Variants in USP16 observed in about 807,000 individuals in gnomAD.
USP16 encodes ubiquitin specific peptidase 16.
USP16 carries 77 observed loss-of-function variants against 95.9 expected under a neutral mutation model. The observed-to-expected ratio is 0.80, with a 90% CI of 0.67 to 0.97. USP16 has a LOEUF of 0.97. Among genes scored for constraint, USP16 ranks in the 50% least tolerant of loss-of-function variants. The probability of loss-of-function intolerance (pLI) is 0.00; values close to 1 mark genes in which losing one functional copy is unlikely to be tolerated. For synonymous variants in USP16, 303 were observed against 318.2 expected, an observed-to-expected ratio of 0.95 and a Z score of 0.51; for missense variants, 943 against 959.9, an observed-to-expected ratio of 0.98 and a Z score of 0.23.
chr21:29,026,496 TA>T (rs1406161156), intron 1 of USP16: 1 of 143,818 alleles, frequency 7.0e-6, no homozygotes, highest in Admixed American at 6.9e-5. Flanking sequence ...GATTGGCAGG[TA>T]AAAAGTGGTG....
At chr21:29,029,094 A>C (rs529183909) in intron 2 of USP16, among the ~76,000 whole-genome samples, 1 of 152,260 alleles carries the variant, frequency 6.6e-6, no homozygotes, top group East Asian at 1.9e-4. Flanking sequence ...ATCTGTAAAC[A>C]TCTGTGCTGA....
rs553405034 is a variant in USP16 at position 29,024,672 on chromosome 21, T to A, written c.-147T>A. ...AGTTATTGCTTTCCAGGGGTCACTC[T>A]GGCTTCGACTCCGTCGCTCTCAATT... On this transcript the variant is annotated 5_prime_UTR_variant, in exon 1 of 18. Coordinates refer to ENST00000399976, the MANE Select transcript of USP16 (RefSeq NM_006447.3). 1.4e-4 allele frequency: 175 copies of A among 1,283,498 alleles called. No individual in the cohort carries two copies. The highest frequency in any genetic ancestry group is 3.7e-5 in the South Asian group (3 of 80,922). The allele number at this position is 1,283,498 out of a possible 1,614,324, so 79.5% of individuals were successfully genotyped here. A position where few individuals can be genotyped will look rare whatever the true frequency, so the allele number is the denominator to read the frequency against.
intron 3 of USP16, among the ~76,000 whole-genome samples, chr21:29,032,258 G>T (rs1329570176): frequency 1.3e-5 from 2 of 151,948 alleles, no homozygotes; most frequent in Admixed American, 1.3e-4. Flanking sequence ...TTGAGGCAGG[G>T]TCTCACTCTC....
chr21:29,036,432 C>G, intron 5 of USP16, 58 bp downstream of exon 5: 3 of 1,495,938 alleles, frequency 2.0e-6, no homozygotes, highest in Non-Finnish European at 2.8e-6. Context: ...TCTGCTGATA[C>G]TTAGATTTGT....
intron 12 of USP16, 70 bp from the exon 13 acceptor site, chr21:29,043,353 G>C: frequency 2.7e-6 from 3 of 1,096,314 alleles, no homozygotes; most frequent in South Asian, 3.2e-5. Context: ...TATTTACATA[G>C]TGTGGATTTT....
In USP16 at chr21:29,027,939, A is replaced by G; in HGVS notation, c.26A>G (p.Lys9Arg). Residue 9 changes from lysine (K) to arginine (R), a missense_variant, in exon 2 of 18, where the codon AAA becomes AGA. Physicochemically the swap from Lys to Arg is conservative, Grantham distance 26. Coordinates refer to ENST00000399976, the MANE Select transcript of USP16 (RefSeq NM_006447.3). MGKKRTKG[K>R]TVPIDDSSET... ...ATGGGAAAGAAACGGACAAAGGGAA[A>G]AACTGTTCCAATCGATGATTCCTCT... The G allele has an allele frequency of 1.2e-6, 2 of 1,613,678 alleles. No homozygotes were observed. Among genetic ancestry groups the G allele is most frequent in the Non-Finnish European group, 1.7e-6 (2 of 1,179,772 alleles).
At chr21:29,026,889 A>G (rs1323314378) in intron 1 of USP16, among the ~76,000 whole-genome samples, 1 of 152,178 alleles carries the variant, frequency 6.6e-6, no homozygotes, top group African/African-American at 2.4e-5. Flanking sequence ...ATAGAAAGTC[A>G]GGATTAGCCG....
intron 14 of USP16, among the ~76,000 whole-genome samples, chr21:29,048,162 A>C (rs1262440325): frequency 6.7e-6 from 1 of 149,610 alleles, no homozygotes; most frequent in Non-Finnish European, 1.5e-5. Context: ...AGCTCACTGC[A>C]ATCTCCACCT....
At chr21:29,043,648 C>T (rs1361837474) in intron 13 of USP16, 49 bp downstream of exon 13, 6 of 1,438,968 alleles carry the variant, frequency 4.2e-6, no homozygotes, top group Admixed American at 2.7e-5. Flanking sequence ...ATATTTTGAG[C>T]TATTGAGTTT....
rs771627125 is a variant in USP16, at chr21:29,047,341, G to A, written c.2011+20G>A. 5 of 1,581,650 alleles carry A rather than the reference G, an allele frequency of 3.2e-6. No individual in the cohort carries two copies. The highest frequency in any genetic ancestry group is 4.3e-6 in the Non-Finnish European group (5 of 1,165,464). On this transcript the variant is annotated intron_variant, in intron 14 of 17. Coordinates refer to ENST00000399976, the MANE Select transcript of USP16 (RefSeq NM_006447.3). ...TAAAAGGTATTTTAATGCTCTCACTGTAAGTAAAATTAATATTCAGGGGCA... is the reference window on the plus strand; with the variant it reads ...TAAAAGGTATTTTAATGCTCTCACTATAAGTAAAATTAATATTCAGGGGCA...
At chr21:29,032,240 T>C (rs541829199) in intron 3 of USP16, among the ~76,000 whole-genome samples, 147 of 152,264 alleles carry the variant, frequency 9.7e-4, no homozygotes, top group Non-Finnish European at 1.8e-3. Flanking sequence ...TTTTGCTTTT[T>C]TCTTTTTTTG....
At chr21:29,046,015 GT>G (rs2085317275) in intron 13 of USP16, among the ~76,000 whole-genome samples, 2 of 152,132 alleles carry the variant, frequency 1.3e-5, no homozygotes, top group Non-Finnish European at 2.9e-5. Flanking sequence ...GTAGAGATGG[GT>G]TTTCACCATG....
intron 3 of USP16, among the ~76,000 whole-genome samples, chr21:29,034,212 T>A (rs571737662): frequency 7.9e-4 from 120 of 152,152 alleles, no homozygotes; most frequent in African/African-American, 2.8e-3. Context: ...AGGAGACTGT[T>A]AAGGAATCCA....
intron 8 of USP16, 62 bp from the exon 9 acceptor site, chr21:29,039,419 A>G: frequency 6.5e-7 from 1 of 1,541,264 alleles, no homozygotes; most frequent in Admixed American, 1.8e-5. Context: ...AAGATTTTCT[A>G]AAAATAGCTT....
At chr21:29,036,998 G>A (rs952589146) in intron 5 of USP16, among the ~76,000 whole-genome samples, 3 of 152,004 alleles carry the variant, frequency 2.0e-5, no homozygotes, top group Admixed American at 6.6e-5. Flanking sequence ...AAGAATTTTC[G>A]TGCAGTAAAA....
rs1314143235 is a variant in USP16, at chr21:29,050,157, T to C, written c.2172T>C (p.Pro724=). The C allele has an allele frequency of 3.1e-6, 5 of 1,613,394 alleles. No homozygotes were observed. The Admixed American group carries it at 5.0e-5, about 16-fold the overall frequency. ...IKFPEILDLA[P]FCTLKCKNVA... ...TTCCGGAAATCTTAGATTTGGCTCC[T>C]TTTTGCACCCTTAAATGTAAGGTAA... Residue 724 remains proline, a synonymous_variant, in exon 16 of 18, where the codon CCT becomes CCC. Transcript: ENST00000399976.
Position 29,024,791 on chromosome 21 carries a change from C to G in USP16, c.-42+14C>G. On this transcript the variant is annotated intron_variant, in intron 1 of 17. Coordinates refer to ENST00000399976, the MANE Select transcript of USP16 (RefSeq NM_006447.3). ...CTGTCGCCGTGGGTGAGTTCTGGTC[C>G]CACTGCCTGGCAGTCGTCGCTCGCC... is the stretch of plus-strand genomic sequence containing the variant. 7.8e-7 allele frequency: 1 copy of G among 1,274,844 alleles called. No homozygotes were observed. 79.0% of individuals were successfully genotyped at this position (1,274,844 alleles called of 1,614,324 possible).
chr21:29,044,757 T>G (rs2146388663), intron 13 of USP16, among the ~76,000 whole-genome samples: 1 of 152,124 alleles, frequency 6.6e-6, no homozygotes, highest in East Asian at 1.9e-4. Context: ...CATTCTTTCT[T>G]TCTTTCTTTC....
chr21:29,050,025 C>A, intron 15 of USP16, 67 bp from the exon 16 acceptor site: 2 of 1,434,600 alleles, frequency 1.4e-6, no homozygotes, highest in Non-Finnish European at 1.9e-6. Context: ...TCGGAGGGGA[C>A]TTCGGTTTAC....
Sources: gnomAD v4.1 joint callset for allele counts (sites outside exome capture counted in the v4.1 genomes callset) on GRCh38, gnomAD v4.1.1 for gene constraint, MANE v1.5 for transcripts, NCBI Gene and HGNC (gene_info 2026-07-23, HGNC 2026-07-21) for gene names.